The following ABCC1 variants were observed in gnomAD, a reference collection of about 807,000 sequenced individuals.
The protein encoded by ABCC1 is multidrug resistance-associated protein 1.
In ABCC1, 83 loss-of-function variants were observed where a neutral mutation model predicts 172.9. The observed-to-expected ratio is 0.48, with a 90% CI of 0.40 to 0.58. The LOEUF is 0.58. ABCC1 is among the 20% of genes least tolerant of loss of function. The probability of loss-of-function intolerance (pLI) is 0.00; values close to 1 mark genes in which losing one functional copy is unlikely to be tolerated. For synonymous variants in ABCC1, 937 were observed against 825.2 expected, an observed-to-expected ratio of 1.14 and a Z score of -2.32; for missense variants, 1,817 against 2,002.7, an observed-to-expected ratio of 0.91 and a Z score of 1.77.
chr16:16,114,727 C>T, intron 22 of ABCC1, 39 bp from the exon 23 acceptor site: 1 of 1,549,812 alleles, frequency 6.5e-7, no homozygotes, highest in Non-Finnish European at 8.7e-7. Flanking sequence ...GGTCAGCTCC[C>T]TCTCTGCATT....
intron 23 of ABCC1, among the ~76,000 whole-genome samples, chr16:16,120,356 C>T (rs1243380221): frequency 6.6e-6 from 1 of 152,210 alleles, no homozygotes; most frequent in Non-Finnish European, 1.5e-5. Flanking sequence ...GCTAGGAGAG[C>T]GCAGTGTCCT....
chr16:15,961,770 A>AC (rs2046138988), intron 1 of ABCC1, among the ~76,000 whole-genome samples: 1 of 141,672 alleles, frequency 7.1e-6, no homozygotes, highest in African/African-American at 2.6e-5. Flanking sequence ...AATCAAATCA[A>AC]CTTTTTTTTT....
At chr16:16,050,104 TCTTCTGTGGGTACAACCC>T (rs1423726876) in intron 10 of ABCC1, among the ~76,000 whole-genome samples, 9 of 152,190 alleles carry the variant, frequency 5.9e-5, no homozygotes, top group African/African-American at 2.2e-4. Flanking sequence ...GACTTTTGTG[TCTTCTGTGGGTACAACCC>T]CAGCAGGGCC....
chr16:15,962,551 C>T (rs2046158010), intron 1 of ABCC1, among the ~76,000 whole-genome samples: 2 of 152,134 alleles, frequency 1.3e-5, no homozygotes, highest in South Asian at 4.1e-4. Flanking sequence ...TTAATTGACT[C>T]ACAGTTCTGC....
intron 1 of ABCC1, among the ~76,000 whole-genome samples, chr16:15,969,952 G>A (rs932658579): frequency 6.6e-6 from 1 of 152,068 alleles, no homozygotes; most frequent in African/African-American, 2.4e-5. Flanking sequence ...AGTCTTGTTG[G>A]GGAAATGGCC....
chr16:16,109,430 G>T (rs1416858315), intron 21 of ABCC1, among the ~76,000 whole-genome samples: 1 of 152,138 alleles, frequency 6.6e-6, no homozygotes, highest in Admixed American at 6.5e-5. Flanking sequence ...TCCTGCCTTG[G>T]CCTCCCAAAG....
Position 16,111,386 on chromosome 16 carries a change from C to T in ABCC1, c.2883C>T (p.Ser961=), listed in dbSNP as rs769381562. ...CCTGTGATCTCCAGGTCAAGCTTTC[C>T]GTGTACTGGGACTACATGAAGGCCA... ...DKAQTGQVKL[S]VYWDYMKAIG... Residue 961 remains serine (S), a synonymous_variant, in exon 22 of 31, where the codon TCC becomes TCT. Transcript: ENST00000399410. The T allele has an allele frequency of 1.3e-5, 21 of 1,613,960 alleles. No individual in the cohort carries two copies. The African/African-American group carries it at 1.5e-4, about 11-fold the overall frequency.
At chr16:16,089,280 G>A (rs962401701) in intron 18 of ABCC1, among the ~76,000 whole-genome samples, 2 of 152,134 alleles carry the variant, frequency 1.3e-5, no homozygotes, top group African/African-American at 4.8e-5. Context: ...GCACGGTAGC[G>A]CATGCCTGTA....
At chr16:16,050,628 T>A (rs2049387117) in intron 10 of ABCC1, among the ~76,000 whole-genome samples, 1 of 148,492 alleles carries the variant, frequency 6.7e-6, no homozygotes, top group South Asian at 2.1e-4. Flanking sequence ...ATAGGTGGCA[T>A]GCGCCTGTAA....
chr16:16,134,296 G>A, intron 27 of ABCC1, 54 bp from the exon 28 acceptor site: 2 of 1,605,146 alleles, frequency 1.2e-6, no homozygotes, highest in South Asian at 1.1e-5. Context: ...TTTGGGGCAG[G>A]GACAAGTCCG....
chr16:16,009,889 G>A lies in ABCC1; in HGVS notation c.339G>A (p.Leu113=). The change falls in exon 3 of 31, where the codon TTG becomes TTA. Residue 113 remains leucine, a synonymous_variant. Coordinates refer to ENST00000399410, the MANE Select transcript of ABCC1 (RefSeq NM_004996.4). ...APVFLVSPTL[L]GITMLLATFL... Reference sequence around the variant, plus strand: ...TGTTTCTGGTCAGCCCAACTCTCTTGGGCATCACCATGGTAAGTAGGAGCT... The same window carrying A: ...TGTTTCTGGTCAGCCCAACTCTCTTAGGCATCACCATGGTAAGTAGGAGCT... The A allele has an allele frequency of 1.2e-6, 2 of 1,604,626 alleles. No individual in the cohort carries two copies. The highest frequency in any genetic ancestry group is 1.7e-6 in the Non-Finnish European group (2 of 1,175,868).
At chr16:16,136,793 T>C in intron 29 of ABCC1, 149 bp downstream of exon 29, 1 of 945,454 alleles carries the variant, frequency 1.1e-6, no homozygotes, top group Middle Eastern at 3.3e-4. Flanking sequence ...CCTCAGTTTC[T>C]GTATCTGTAA....
At chr16:16,011,896 G>T (rs959533251) in intron 3 of ABCC1, among the ~76,000 whole-genome samples, 3 of 151,270 alleles carry the variant, frequency 2.0e-5, no homozygotes, top group African/African-American at 7.3e-5. Flanking sequence ...CTCGAACTCC[G>T]GACCTCAGGT....
chr16:15,949,611 G>GCGCCGCCGTCGCCGCCGC (rs1555470977), upstream of ABCC1: 1 of 163,454 alleles, frequency 6.1e-6, no homozygotes, highest in East Asian at 2.3e-4. Context: ...CCGGCTCCCT[G>GCGCCGCCGTCGCCGCCGC]CGCCGCCGCC....
chr16:16,052,968 GC>G lies in ABCC1; in HGVS notation c.1473+156del, dbSNP rs1464053210. ...TTGGGGAGCCTTAACAAATGCTGAT[GC>G]CCCGGCTGCATATCTGGGATTCTGA... On this transcript the variant is annotated intron_variant, in intron 11 of 30. Coordinates refer to ENST00000399410, the MANE Select transcript of ABCC1 (RefSeq NM_004996.4). The G allele has an allele frequency of 2.0e-5, 13 of 662,806 alleles. No homozygotes were observed. The African/African-American group carries it at 2.0e-4, about 10-fold the overall frequency. 41.1% of individuals were successfully genotyped at this position (662,806 alleles called of 1,614,324 possible).
chr16:16,130,337 ATTT>A (rs59553978), intron 26 of ABCC1, among the ~76,000 whole-genome samples: 1 of 151,604 alleles, frequency 6.6e-6, no homozygotes, highest in African/African-American at 2.4e-5. Flanking sequence ...ATTTATTTAA[ATTT>A]TTTTTTATCA....
chr16:16,135,886 T>C (rs1437608987), intron 28 of ABCC1, among the ~76,000 whole-genome samples: 1 of 152,216 alleles, frequency 6.6e-6, no homozygotes, highest in Non-Finnish European at 1.5e-5. Flanking sequence ...CACGGGACTT[T>C]ACTGTTAGGA....
rs560033743 is a variant in ABCC1, at chr16:16,124,799, G to A, written c.3601G>A (p.Val1201Met). ...TGTGTCTTGGCGCAGGTGGCTGGCC[G>A]TGCGGCTGGAGTGTGTGGGCAACTG... is the stretch of plus-strand genomic sequence containing the variant. ...PSIVANRWLA[V>M]RLECVGNCIV... The change falls in exon 25 of 31, where the codon GTG becomes ATG. Residue 1201 changes from valine (V) to methionine (M), a missense_variant. By Grantham distance (21) the Val-to-Met change is conservative (BLOSUM62 1). This residue lies in a region of ABCC1 where 1,412 missense variants were observed against 1,600.3 expected (regional missense o/e 0.88). Transcript: ENST00000399410. The A allele has an allele frequency of 5.8e-5, 93 of 1,613,976 alleles. No individual in the cohort carries two copies. The highest frequency in any genetic ancestry group is 7.6e-5 in the Non-Finnish European group (90 of 1,180,030).
intron 27 of ABCC1, among the ~76,000 whole-genome samples, chr16:16,132,953 C>T (rs1030350931): frequency 1.3e-5 from 2 of 152,188 alleles, no homozygotes; most frequent in Non-Finnish European, 2.9e-5. Context: ...CTGGCTCTTT[C>T]TAGTCAACCT....
Sources: gnomAD v4.1 joint callset for allele counts (sites outside exome capture counted in the v4.1 genomes callset) on GRCh38, gnomAD v4.1.1 for gene constraint, gnomAD v4.1.1 regional missense constraint, MANE v1.5 for transcripts, NCBI Gene and HGNC (gene_info 2026-07-23, HGNC 2026-07-21) for gene names.